Variants in PDE4B observed in about 807,000 individuals in gnomAD.
PDE4B encodes phosphodiesterase 4B.
Under a neutral mutation model 82.2 loss-of-function variants are expected in PDE4B, and 20 were observed. That is an observed-to-expected ratio of 0.24 (90% confidence interval 0.17 to 0.35). The LOEUF (loss-of-function observed/expected upper bound fraction) is 0.35, where lower values mean the gene tolerates loss of function less well. Among genes scored for constraint, PDE4B ranks in the 10% least tolerant of loss-of-function variants. PDE4B has a pLI of 1.00. For synonymous variants in PDE4B, 320 were observed against 318.9 expected (o/e 1.00, Z -0.04); for missense variants, 655 against 907.2 (o/e 0.72, Z 3.57).
intron 3 of PDE4B, among the ~76,000 whole-genome samples, chr1:66,089,996 T>TGATCTATGTA (rs1644978575): frequency 6.6e-6 from 1 of 152,060 alleles, no homozygotes. Context: ...CCTATACCCT[T>TGATCTATGTA]GATCTATGTA....
intron 3 of PDE4B, among the ~76,000 whole-genome samples, chr1:66,136,500 A>C (rs1385715133): frequency 6.6e-6 from 1 of 152,044 alleles, no homozygotes; most frequent in African/African-American, 2.4e-5. Context: ...TCCTGAGGTC[A>C]GGAGTTTGAG....
At chr1:66,024,343 C>A (rs1286546378) in intron 3 of PDE4B, among the ~76,000 whole-genome samples, 1 of 152,088 alleles carries the variant, frequency 6.6e-6, no homozygotes, top group Non-Finnish European at 1.5e-5. Flanking sequence ...ATCTCATTTA[C>A]CCCTTACTCA....
intron 3 of PDE4B, among the ~76,000 whole-genome samples, chr1:66,089,526 A>C (rs1438942337): frequency 6.6e-6 from 1 of 152,084 alleles, no homozygotes; most frequent in Non-Finnish European, 1.5e-5. Context: ...TCTTTAGATA[A>C]AGTTGTAAAA....
At chr1:66,342,270 T>C (rs1661043886) in intron 8 of PDE4B, among the ~76,000 whole-genome samples, 1 of 152,196 alleles carries the variant, frequency 6.6e-6, no homozygotes, top group African/African-American at 2.4e-5. Flanking sequence ...TTTCTAATCA[T>C]TATTTACATT....
chr1:66,119,276 G>A (rs572721266), intron 3 of PDE4B, among the ~76,000 whole-genome samples: 26 of 152,266 alleles, frequency 1.7e-4, no homozygotes, highest in African/African-American at 5.8e-4. Context: ...TTGTGTATTC[G>A]GTGGTGTGTT....
At chr1:65,803,987 G>A (rs1194535584) in intron 1 of PDE4B, among the ~76,000 whole-genome samples, 2 of 152,216 alleles carry the variant, frequency 1.3e-5, no homozygotes, top group Admixed American at 1.3e-4. Context: ...AGCAAGGCTT[G>A]TGTCTTAGTT....
At chr1:66,041,125 G>A (rs1379124590) in intron 3 of PDE4B, among the ~76,000 whole-genome samples, 1 of 151,904 alleles carries the variant, frequency 6.6e-6, no homozygotes, top group African/African-American at 2.4e-5. Flanking sequence ...GTGGAGTAGG[G>A]TGGTGATAGC....
At chr1:65,902,360 T>C (rs1200720912) in intron 1 of PDE4B, among the ~76,000 whole-genome samples, 1 of 152,176 alleles carries the variant, frequency 6.6e-6, no homozygotes, top group Admixed American at 6.6e-5. Flanking sequence ...AATGATTTCA[T>C]AGTCACTAAT....
At chr1:65,820,428 T>C (rs1202182130) in intron 1 of PDE4B, among the ~76,000 whole-genome samples, 1 of 152,218 alleles carries the variant, frequency 6.6e-6, no homozygotes, top group African/African-American at 2.4e-5. Flanking sequence ...AAATATGAAA[T>C]TATAAAGATT....
At chr1:65,823,162 C>G (rs1487291249) in intron 1 of PDE4B, among the ~76,000 whole-genome samples, 1 of 151,928 alleles carries the variant, frequency 6.6e-6, no homozygotes, top group Non-Finnish European at 1.5e-5. Context: ...CTTTGGGAGG[C>G]CGAGGCGGAT....
chr1:66,361,864 A>G, intron 10 of PDE4B, 71 bp downstream of exon 10: 1 of 1,209,428 alleles, frequency 8.3e-7, no homozygotes, highest in South Asian at 1.6e-5. Context: ...TATACCTTTT[A>G]GAAAATAGTA....
At chr1:66,369,005 T>C (rs1308807878) in intron 16 of PDE4B, 36 bp downstream of exon 16, 1 of 1,515,278 alleles carries the variant, frequency 6.6e-7, no homozygotes, top group Non-Finnish European at 9.0e-7. Context: ...TTTTGTGAGC[T>C]CTGCTGATTA....
At chr1:65,927,812 C>T (rs747944814) in intron 3 of PDE4B, among the ~76,000 whole-genome samples, 98 of 152,086 alleles carry the variant, frequency 6.4e-4, no homozygotes, top group Non-Finnish European at 9.3e-4. Context: ...CAGCCCTCAC[C>T]CTACCAGTCA....
chr1:66,085,820 CA>C (rs1656974099), intron 3 of PDE4B, among the ~76,000 whole-genome samples: 1 of 152,038 alleles, frequency 6.6e-6, no homozygotes, highest in Non-Finnish European at 1.5e-5. Flanking sequence ...GGAATCATGA[CA>C]AGCTTTGCCT....
At chr1:65,992,892 C>A in intron 3 of PDE4B, 1 of 1,610,812 alleles carries the variant, frequency 6.2e-7, no homozygotes, top group African/African-American at 1.3e-5. Flanking sequence ...TGAAAGCTAG[C>A]ACTCCTTACA....
chr1:65,961,698 G>A (rs144164611), intron 3 of PDE4B, among the ~76,000 whole-genome samples: 243 of 152,286 alleles, frequency 1.6e-3, no homozygotes, highest in Non-Finnish European at 2.6e-3. Context: ...GAAGACAGAT[G>A]AGTGAAAAAT....
intron 3 of PDE4B, among the ~76,000 whole-genome samples, chr1:66,243,499 C>T (rs1653050900): frequency 6.6e-6 from 1 of 152,064 alleles, no homozygotes; most frequent in South Asian, 2.1e-4. Flanking sequence ...ATTGCAAGTA[C>T]TGTGATAAAG....
At chr1:65,961,676 A>C (rs1296667854) in intron 3 of PDE4B, among the ~76,000 whole-genome samples, 1 of 152,180 alleles carries the variant, frequency 6.6e-6, no homozygotes, top group East Asian at 1.9e-4. Context: ...AGGGTGCATA[A>C]TAACTCAATG....
intron 3 of PDE4B, among the ~76,000 whole-genome samples, chr1:66,009,953 C>CT (rs71058442): frequency 0.097 from 13,168 of 135,950 alleles, 1,231 homozygotes; most frequent in African/African-American, 0.27. Context: ...ATCTATCTAT[C>CT]ATCTATCTAT....
Sources: gnomAD v4.1 joint callset for allele counts (sites outside exome capture counted in the v4.1 genomes callset) on GRCh38, gnomAD v4.1.1 for gene constraint, MANE v1.5 for transcripts, NCBI Gene and HGNC (gene_info 2026-07-23, HGNC 2026-07-21) for gene names.